VSIG1: variants seen among roughly 807,000 people sequenced by gnomAD.
VSIG1 encodes the protein V-set and immunoglobulin domain-containing protein 1.
In VSIG1, 11 loss-of-function variants were observed where a neutral mutation model predicts 20.1. That is an observed-to-expected ratio of 0.55 (90% CI 0.34 to 0.91). VSIG1 has a LOEUF of 0.91. Among genes scored for constraint, VSIG1 ranks in the 40% least tolerant of loss-of-function variants. The pLI, the probability that VSIG1 is intolerant of heterozygous loss-of-function variation, is 0.02. For synonymous variants in VSIG1, 126 were observed against 116.7 expected (o/e 1.08, Z -0.52); for missense variants, 283 against 298.8 (o/e 0.95, Z 0.39).
intron 4 of VSIG1, 94 bp from the exon 5 acceptor site, chrX:108,073,156 A>G: frequency 9.7e-7 from 1 of 1,030,989 alleles, no homozygotes; most frequent in Non-Finnish European, 1.3e-6. Flanking sequence ...AGAGGCCAAT[A>G]TGGGGGAGTG....
At chrX:108,021,309 C>T in the VSIG1 span, among the ~76,000 whole-genome samples, 1 of 111,544 alleles carries the variant, frequency 9.0e-6, no homozygotes, top group Non-Finnish European at 1.9e-5. Context: ...TGGTGATAAT[C>T]TCAATGCCGT....
intron 2 of VSIG1, among the ~76,000 whole-genome samples, chrX:108,060,741 C>A (rs761840933): frequency 8.9e-6 from 1 of 112,148 alleles, no homozygotes; most frequent in Non-Finnish European, 1.9e-5. Context: ...TAAAATGGGG[C>A]TACTTACCTA....
At chrX:108,051,587 A>G (rs938809563) in intron 1 of VSIG1, among the ~76,000 whole-genome samples, 1 of 111,852 alleles carries the variant, frequency 8.9e-6, no homozygotes, top group Non-Finnish European at 1.9e-5. Flanking sequence ...AAAATGTTCA[A>G]TCAAAAATCA....
chrX:108,019,163 T>A, the VSIG1 span, among the ~76,000 whole-genome samples: 154 of 111,758 alleles, frequency 1.4e-3, 2 homozygotes, highest in East Asian at 0.03. Flanking sequence ...GGAGCTGTGA[T>A]GGGTTGAGAG....
chrX:108,069,137 G>A (rs906786123), intron 3 of VSIG1, among the ~76,000 whole-genome samples: 1 of 111,466 alleles, frequency 9.0e-6, no homozygotes, highest in African/African-American at 3.3e-5. Context: ...CTGAGATAAA[G>A]TTAGACAAGA....
chrX:108,061,568 C>T (rs1188491123), intron 2 of VSIG1: 2 of 1,105,053 alleles, frequency 1.8e-6, no homozygotes, highest in African/African-American at 3.7e-5. Context: ...TACTGGACTT[C>T]TTCATTGTTT....
At chrX:108,028,157 C>G in the VSIG1 span, among the ~76,000 whole-genome samples, 6 of 110,509 alleles carry the variant, frequency 5.4e-5, no homozygotes, top group African/African-American at 9.9e-5. Flanking sequence ...CCTGCAATAT[C>G]CTATAAGTCC....
chrX:108,077,224 C>T lies in VSIG1; in HGVS notation c.1007C>T (p.Ser336Leu). 1 of 1,212,017 alleles carries T rather than the reference C, an allele frequency of 8.3e-7. No individual in the cohort carries two copies. Among genetic ancestry groups the T allele is most frequent in the Non-Finnish European group, 1.1e-6 (1 of 895,618 alleles). Residue 336 changes from serine (S) to leucine (L), a missense_variant, in exon 7 of 7, where the codon TCA becomes TTA. Coordinates refer to ENST00000217957, the MANE Select transcript of VSIG1 (RefSeq NM_182607.5). ...QEPAPEPAPG[S>L]EPMAVPDLDI... is the part of the protein sequence containing the mutation. ...CCTGCCCCAGAGCCTGCCCCAGGAT[C>T]AGAGCCTATGGCAGTGCCTGACCTT...
chrX:108,069,797 G>A (rs113983583), intron 3 of VSIG1, among the ~76,000 whole-genome samples: 127 of 111,821 alleles, frequency 1.1e-3, no homozygotes, highest in African/African-American at 3.8e-3. Context: ...AGACAGACGC[G>A]TAACATAAAA....
intron 1 of VSIG1, among the ~76,000 whole-genome samples, chrX:108,056,642 C>T (rs1033284181): frequency 1.8e-5 from 2 of 112,451 alleles, no homozygotes; most frequent in Non-Finnish European, 3.8e-5. Flanking sequence ...TATTTAGCAT[C>T]GTTATCTATT....
At position 108,047,957 on chromosome X, in the gene VSIG1, CACACAT is replaced by C. The variant is rs1439608397; in HGVS notation, c.49+2780_49+2785del. The stretch of plus-strand genomic sequence containing the variant: ...ATACACATATATATATATATATACA[CACACAT>C]ATATATATATATATATATATATATA... On this transcript the variant is annotated intron_variant, in intron 1 of 6. Transcript: ENST00000217957. Among the ~76,000 whole-genome samples the C allele has an allele frequency of 2.5e-3, 65 of 25,893 alleles. 2 individuals are homozygous for C. Among genetic ancestry groups the C allele is most frequent in the African/African-American group, 6.8e-3 (25 of 3,681 alleles). 22.5% of individuals were successfully genotyped at this position (25,893 alleles called of 115,157 possible).
chrX:108,051,139 G>T (rs1195469055), intron 1 of VSIG1, among the ~76,000 whole-genome samples: 1 of 110,934 alleles, frequency 9.0e-6, no homozygotes, highest in Non-Finnish European at 1.9e-5. Flanking sequence ...TTCTCCCCAG[G>T]CCTGAGATGT....
chrX:108,026,336 G>C, the VSIG1 span, among the ~76,000 whole-genome samples: 1 of 111,593 alleles, frequency 9.0e-6, no homozygotes, highest in African/African-American at 3.3e-5. Context: ...GGCGAGAGCA[G>C]CCTGTTTAGC....
chrX:108,058,363 A>T (rs1387252126), intron 2 of VSIG1, among the ~76,000 whole-genome samples, 162 bp downstream of exon 2: 1 of 112,177 alleles, frequency 8.9e-6, no homozygotes, highest in Non-Finnish European at 1.9e-5. Flanking sequence ...GAAGATCATC[A>T]TCTAAGTGAC....
chrX:108,071,911 GAAA>G (rs1703909331), intron 3 of VSIG1, among the ~76,000 whole-genome samples: 1 of 81,809 alleles, frequency 1.2e-5, no homozygotes, highest in Non-Finnish European at 2.4e-5. Flanking sequence ...AAAAAAAAAA[GAAA>G]ATAATCATGA....
At chrX:108,043,495 T>G (rs1162620728), upstream of VSIG1, among the ~76,000 whole-genome samples, 2 of 112,246 alleles carry the variant, frequency 1.8e-5, no homozygotes, top group African/African-American at 6.5e-5. Flanking sequence ...AATGGTCAGC[T>G]GTAGGATATT....
At chrX:108,047,788 CTCTATA>C (rs1206183827) in intron 1 of VSIG1, among the ~76,000 whole-genome samples, 5 of 56,614 alleles carry the variant, frequency 8.8e-5, no homozygotes, top group African/African-American at 3.0e-4. Flanking sequence ...CTCTCTCTCT[CTCTATA>C]TATATATATA....
upstream of VSIG1, among the ~76,000 whole-genome samples, chrX:108,043,483 T>C (rs558672895): frequency 3.6e-5 from 4 of 112,348 alleles, no homozygotes; most frequent in South Asian, 1.5e-3. Context: ...TGGAGAATAA[T>C]CAATGGTCAG....
At chrX:108,062,726 A>G (rs1344877789) in intron 2 of VSIG1, among the ~76,000 whole-genome samples, 1 of 111,459 alleles carries the variant, frequency 9.0e-6, no homozygotes, top group Non-Finnish European at 1.9e-5. Context: ...TCCAAATAAA[A>G]TTCTGAGCTT....
Sources: allele counts gnomAD v4.1 joint callset (sites outside exome capture counted in the v4.1 genomes callset), GRCh38; gene constraint gnomAD v4.1.1; transcripts MANE v1.5; gene names NCBI Gene and HGNC (gene_info 2026-07-23, HGNC 2026-07-21).